The following RPGRIP1L variants were observed in gnomAD, a reference collection of about 807,000 sequenced individuals.
RPGRIP1L encodes RPGRIP1 like, also known as protein fantom.
In RPGRIP1L, 131 loss-of-function variants were observed where a neutral mutation model predicts 160.4. The observed-to-expected ratio is 0.82, with a 90% CI of 0.71 to 0.94. The LOEUF (loss-of-function observed/expected upper bound fraction) is 0.94. Ranked by LOEUF, RPGRIP1L falls within the 40% of genes least tolerant of loss-of-function variation. The pLI is 0.00. For missense variants in RPGRIP1L, 1,522 were observed against 1,535.8 expected, an observed-to-expected ratio of 0.99 and a Z score of 0.15; for synonymous variants, 510 against 515.8, an observed-to-expected ratio of 0.99 and a Z score of 0.15.
chr16:53,615,161 G>A (rs974133582), intron 24 of RPGRIP1L, among the ~76,000 whole-genome samples: 5 of 152,094 alleles, frequency 3.3e-5, no homozygotes, highest in African/African-American at 1.2e-4. Context: ...AAGACAGACT[G>A]TTCCATCCCT....
intron 2 of RPGRIP1L, among the ~76,000 whole-genome samples, chr16:53,697,497 G>T (rs952237017): frequency 6.6e-6 from 1 of 152,122 alleles, no homozygotes; most frequent in East Asian, 1.9e-4. Context: ...GAGTGCCTGC[G>T]ATTGCAGGCG....
At chr16:53,650,165 G>A (rs1397489989) in intron 15 of RPGRIP1L, among the ~76,000 whole-genome samples, 1 of 152,100 alleles carries the variant, frequency 6.6e-6, no homozygotes, top group Non-Finnish European at 1.5e-5. Context: ...CCTTTAAGAG[G>A]TGATGAGGCC....
rs1970427633 is a variant in RPGRIP1L at position 53,692,137 on chromosome 16, A to G, written c.458T>C (p.Val153Ala). ...QGYRQTPYNN[V>A]QSRINTGRRK... ...ACGCCCAGTGTTAATACGAGATTGT[A>G]CATTATTGTATGGAGTTTGCCTGTA... Residue 153 changes from valine to alanine, a missense_variant, in exon 4 of 27, where the codon GTA (valine) becomes GCA (alanine). Coordinates refer to ENST00000647211, the MANE Select transcript of RPGRIP1L (RefSeq NM_015272.5). 1.2e-6 allele frequency: 2 copies of G among 1,614,022 alleles called. No individual in the cohort carries two copies. The highest frequency in any genetic ancestry group is 1.6e-4 in the Middle Eastern group (1 of 6,062).
At chr16:53,671,460 TAA>T (rs1567863180) in intron 9 of RPGRIP1L, 48 bp downstream of exon 9, 2 of 1,191,950 alleles carry the variant, frequency 1.7e-6, no homozygotes, top group Non-Finnish European at 2.5e-6. Flanking sequence ...TGCTTACATA[TAA>T]AAGAGCTCAA....
chr16:53,652,316 A>G (rs759787431), intron 15 of RPGRIP1L, among the ~76,000 whole-genome samples: 3 of 152,054 alleles, frequency 2.0e-5, no homozygotes, highest in Non-Finnish European at 2.9e-5. Flanking sequence ...CAAGTGCTTC[A>G]CCTGCCTCGG....
At chr16:53,645,535 T>A in intron 17 of RPGRIP1L, 90 bp downstream of exon 17, 1 of 1,221,574 alleles carries the variant, frequency 8.2e-7, no homozygotes, top group South Asian at 1.3e-5. Context: ...GAGGTTAGGG[T>A]GATTAGTTAT....
At chr16:53,638,726 G>A (rs1300176069) in intron 19 of RPGRIP1L, among the ~76,000 whole-genome samples, 1 of 151,378 alleles carries the variant, frequency 6.6e-6, no homozygotes, top group Non-Finnish European at 1.5e-5. Context: ...AAATACCTGA[G>A]TTCTGTGTAA....
chr16:53,660,334 C>A (rs994363942), intron 10 of RPGRIP1L, among the ~76,000 whole-genome samples: 1 of 152,012 alleles, frequency 6.6e-6, no homozygotes, highest in African/African-American at 2.4e-5. Context: ...TTTTTGTTTC[C>A]TTTTCTTAAA....
intron 2 of RPGRIP1L, among the ~76,000 whole-genome samples, chr16:53,698,885 G>A (rs922329742): frequency 5.3e-5 from 8 of 152,216 alleles, no homozygotes; most frequent in Admixed American, 2.6e-4. Context: ...CGTCTGGGAG[G>A]TGTGCCCAAC....
chr16:53,688,354 T>A (rs1970162570), intron 4 of RPGRIP1L, among the ~76,000 whole-genome samples: 1 of 152,106 alleles, frequency 6.6e-6, no homozygotes, highest in South Asian at 2.1e-4. Context: ...GTTTTTTAAA[T>A]TTTTAAATTA....
Position 53,645,717 on chromosome 16 carries a change from T to C in RPGRIP1L, c.2591A>G (p.Tyr864Cys), listed in dbSNP as rs747319156. ...CTGGGTATCACTATCATCAAAAACA[T>C]AAAAACTCAGAGACTCTGACTTAAG... ...RYLKSESLSF[Y>C]VFDDSDTQEN... The change falls in exon 17 of 27, where the codon TAT becomes TGT. Residue 864 changes from tyrosine to cysteine, a missense_variant. Tyr to Cys is a radical substitution (Grantham distance 194). Transcript: ENST00000647211. 2.5e-6 allele frequency: 4 copies of C among 1,613,934 alleles called. No individual in the cohort carries two copies. Among genetic ancestry groups the C allele is most frequent in the Non-Finnish European group, 3.4e-6 (4 of 1,179,968 alleles).
intron 22 of RPGRIP1L, among the ~76,000 whole-genome samples, chr16:53,623,795 T>C (rs755469710): frequency 6.6e-6 from 1 of 152,226 alleles, no homozygotes; most frequent in African/African-American, 2.4e-5. Context: ...AGGACCAATA[T>C]CTTACTCATT....
intron 9 of RPGRIP1L, among the ~76,000 whole-genome samples, chr16:53,670,591 T>G (rs1175406325): frequency 6.6e-6 from 1 of 152,166 alleles, no homozygotes; most frequent in African/African-American, 2.4e-5. Flanking sequence ...AATACCATAA[T>G]TATGAAGTAG....
At chr16:53,692,470 T>G in intron 3 of RPGRIP1L, 106 bp from the exon 4 acceptor site, 1 of 1,064,450 alleles carries the variant, frequency 9.4e-7, no homozygotes, top group Non-Finnish European at 1.4e-6. Flanking sequence ...AGAACCTGAA[T>G]AATAAATTTC....
chr16:53,695,918 C>T, intron 3 of RPGRIP1L: 1 of 464,552 alleles, frequency 2.2e-6, no homozygotes, highest in Non-Finnish European at 3.9e-6. Flanking sequence ...ACTAACGGCA[C>T]TCTATTAGCT....
intron 3 of RPGRIP1L, chr16:53,694,029 T>C (rs1462803642): frequency 6.6e-6 from 1 of 152,236 alleles, no homozygotes; most frequent in Non-Finnish European, 1.5e-5. Context: ...TCAAGAAACA[T>C]GATTGCATCT....
intron 26 of RPGRIP1L, 143 bp downstream of exon 26, chr16:53,605,338 A>G (rs1963609194): frequency 1.1e-6 from 1 of 890,354 alleles, no homozygotes; most frequent in Non-Finnish European, 1.9e-6. Flanking sequence ...CTTCAGCTTC[A>G]CCAAAGCGTC....
At chr16:53,623,667 T>C (rs1480930229) in intron 22 of RPGRIP1L, among the ~76,000 whole-genome samples, 1 of 152,218 alleles carries the variant, frequency 6.6e-6, no homozygotes, top group African/African-American at 2.4e-5. Context: ...TACTGATCTC[T>C]AAGAGCAAGT....
At chr16:53,663,004 T>C (rs1967934560) in intron 10 of RPGRIP1L, among the ~76,000 whole-genome samples, 1 of 152,020 alleles carries the variant, frequency 6.6e-6, no homozygotes, top group Non-Finnish European at 1.5e-5. Context: ...TATTAAGGAA[T>C]GATTTTACAA....
Sources: allele counts gnomAD v4.1 joint callset (sites outside exome capture counted in the v4.1 genomes callset), GRCh38; gene constraint gnomAD v4.1.1; transcripts MANE v1.5; gene names NCBI Gene and HGNC (gene_info 2026-07-23, HGNC 2026-07-21).